The following SBF1 variants were observed in gnomAD, a reference collection of about 807,000 sequenced individuals.
SBF1 encodes the protein SET binding factor 1.
A neutral mutation model predicts 215.8 loss-of-function variants in SBF1; 65 were observed. The observed-to-expected ratio is 0.30, with a 90% CI of 0.25 to 0.37. The LOEUF is 0.37. Ranked by LOEUF, SBF1 falls within the 10% of genes least tolerant of loss-of-function variation. The probability of loss-of-function intolerance (pLI) is 1.00; values close to 1 mark genes in which losing one functional copy is unlikely to be tolerated. For synonymous variants in SBF1, 1,410 were observed against 1,122.8 expected (o/e 1.26, Z -5.11); for missense variants, 2,634 against 2,667.8 (o/e 0.99, Z 0.28).
At position 50,462,227 on chromosome 22, in the gene SBF1, T is replaced by C. The variant is rs1415421246; in HGVS notation, c.2374A>G (p.Ser792Gly). 6.2e-7 allele frequency: 1 copy of C among 1,607,860 alleles called. No homozygotes were observed. The highest frequency in any genetic ancestry group is 8.5e-7 in the Non-Finnish European group (1 of 1,179,960). ...CACCTGTTGGTGACCAGGCTGTTGC[T>C]GGCGCTCTCCAGGTCGCCCAGCCCG... ...RAGLGDLESA[S>G]NSLVTNSMAG... Residue 792 changes from serine to glycine, a missense_variant, in exon 19 of 41, where the codon AGC (serine) becomes GGC (glycine). Coordinates refer to ENST00000380817, the MANE Select transcript of SBF1 (RefSeq NM_002972.4).
intron 1 of SBF1, among the ~76,000 whole-genome samples, chr22:50,472,591 C>T (rs761691282): frequency 1.3e-5 from 2 of 152,190 alleles, no homozygotes; most frequent in Non-Finnish European, 2.9e-5. Flanking sequence ...TGCATCCTCA[C>T]GGCAGCCTGG....
intron 36 of SBF1, among the ~76,000 whole-genome samples, chr22:50,449,923 A>G (rs2148556718): frequency 6.6e-6 from 1 of 152,366 alleles, no homozygotes. Flanking sequence ...CTTGAGAGAC[A>G]GGAGCCTAAG....
In SBF1 at chr22:50,467,548, T is replaced by A. The variant is rs926281636; in HGVS notation, c.422A>T (p.His141Leu). ...KTLVLVSRLD[H>L]TEVFRNSLGL... The stretch of plus-strand genomic sequence containing the variant: ...CGGCCTCACCCTGAACACCTCCGTG[T>A]GGTCGAGTCGCGACACCAGTACCAG... Residue 141 changes from histidine (H) to leucine (L), a missense_variant, in exon 4 of 41, where the codon CAC becomes CTC. Physicochemically the swap from His to Leu is moderately conservative, Grantham distance 99 (BLOSUM62 -3). Transcript: ENST00000380817. 1 of 1,614,158 alleles carries A rather than the reference T, an allele frequency of 6.2e-7. No individual in the cohort carries two copies. Among genetic ancestry groups the A allele is most frequent in the Non-Finnish European group, 8.5e-7 (1 of 1,180,014 alleles).
Position 50,452,671 on chromosome 22 carries a change from G to A in SBF1, c.5043+1841C>T, listed in dbSNP as rs954080057. Among the ~76,000 whole-genome samples the A allele has an allele frequency of 3.2e-5, 4 of 125,986 alleles. No homozygotes were observed. The East Asian group carries it at 7.8e-4, about 25-fold the overall frequency. The allele number at this position is 125,986 out of a possible 152,430, so 82.7% of individuals were successfully genotyped here. On this transcript the variant is annotated intron_variant, in intron 36 of 40. Transcript: ENST00000380817. Reference sequence around the variant, plus strand: ...TCAGAGGCAGAGGTTGCAGTGAACCGAGATCGCACCACCGCTCTCCAGCCT... The same window carrying A: ...TCAGAGGCAGAGGTTGCAGTGAACCAAGATCGCACCACCGCTCTCCAGCCT...
Position 50,455,400 on chromosome 22 carries a change from A to C in SBF1, c.4378T>G (p.Leu1460Val), listed in dbSNP as rs1404020990. 8 of 1,612,280 alleles carry C rather than the reference A, an allele frequency of 5.0e-6. No individual in the cohort carries two copies. Among genetic ancestry groups the C allele is most frequent in the Middle Eastern group, 3.3e-4 (2 of 6,062 alleles). Residue 1460 changes from leucine to valine, a missense_variant, in exon 33 of 41, where the codon TTG becomes GTG. Transcript: ENST00000380817. ...GWDITTQVVS[L>V]VQLLSDPFYR... Reference sequence around the variant, plus strand: ...AAGGGGTCTGAGAGCAGCTGCACCAAGGATACCACCTGCCAGCACCGCCAG... The same window carrying C: ...AAGGGGTCTGAGAGCAGCTGCACCACGGATACCACCTGCCAGCACCGCCAG...
At chr22:50,471,280 C>G (rs1385747780) in intron 1 of SBF1, among the ~76,000 whole-genome samples, 1 of 152,250 alleles carries the variant, frequency 6.6e-6, no homozygotes, top group East Asian at 1.9e-4. Context: ...AGCACTCCCT[C>G]CTGCACCAAT....
chr22:50,450,588 C>T (rs1314810492), intron 36 of SBF1, among the ~76,000 whole-genome samples: 2 of 152,064 alleles, frequency 1.3e-5, no homozygotes, highest in African/African-American at 2.4e-5. Context: ...TACTGGACTT[C>T]CAAAAAGCCA....
rs773556610 is a variant in SBF1, at chr22:50,463,386, C to T, written c.1796G>A (p.Arg599His). The change falls in exon 16 of 41, where the codon CGC (arginine) becomes CAC (histidine). Residue 599 changes from arginine to histidine, a missense_variant. By Grantham distance (29) the Arg-to-His change is conservative. Transcript: ENST00000380817. ...CAGGTGCAGCTCCTGGGCGAGGCAG[C>T]GGCGGGCAGCTCGCCCCTTCAGGGC... ...LRALKGRAARRCLAQELHLHV... is the reference protein window; with the variant it reads ...LRALKGRAARHCLAQELHLHV... 75 of 1,597,032 alleles carry T rather than the reference C, an allele frequency of 4.7e-5. No individual in the cohort carries two copies. In the South Asian group the frequency reaches 5.8e-4, roughly 12 times the overall value.
At chr22:50,465,185 T>C (rs1337383829) in intron 11 of SBF1, 30 bp downstream of exon 11, 2 of 1,611,260 alleles carry the variant, frequency 1.2e-6, no homozygotes, top group African/African-American at 2.7e-5. Context: ...GCTTATCTCC[T>C]ACCCCACGCC....
In SBF1 at chr22:50,446,075, G is replaced by A. The variant is rs1242905569; in HGVS notation, c.*1067C>T. 6.5e-6 allele frequency: 1 copy of A among 153,576 alleles called. No individual in the cohort carries two copies. Among genetic ancestry groups the A allele is most frequent in the African/African-American group, 2.4e-5 (1 of 41,470 alleles). The allele number at this position is 153,576 out of a possible 1,614,324, so 9.5% of individuals were successfully genotyped here. A position where few individuals can be genotyped will look rare whatever the true frequency, so the allele number is the denominator to read the frequency against. ...CCTTCTGCTCCTGCACCCCTGGCCAGGCCTCGTCACAGGCAAGGACACAAC... is the reference window on the plus strand; with the variant it reads ...CCTTCTGCTCCTGCACCCCTGGCCAAGCCTCGTCACAGGCAAGGACACAAC... On this transcript the variant is annotated 3_prime_UTR_variant, in exon 41 of 41. Coordinates refer to ENST00000380817, the MANE Select transcript of SBF1 (RefSeq NM_002972.4).
rs368126124 is a variant in SBF1, at chr22:50,456,337, G to A, written c.4145C>T (p.Ala1382Val). 2.7e-5 allele frequency: 43 copies of A among 1,613,342 alleles called. No individual in the cohort carries two copies. Among genetic ancestry groups the A allele is most frequent in the African/African-American group, 4.0e-5 (3 of 75,044 alleles). The change falls in exon 31 of 41, where the codon GCA (alanine) becomes GTA (valine). Residue 1382 changes from alanine to valine, a missense_variant. Physicochemically the swap from Ala to Val is moderately conservative, Grantham distance 64. Transcript: ENST00000380817. ...WELVPIEVFE[A>V]RQVKASFKKL... is the part of the protein sequence containing the mutation. ...CTTGAAGCTAGCCTTCACCTGCCGT[G>A]CCTCGAATACCTCAATGGGCACCAG...
At position 50,448,306 on chromosome 22, in the gene SBF1, C is replaced by T. The variant is rs567207880; in HGVS notation, c.5290G>A (p.Gly1764Ser). 15 of 1,613,454 alleles carry T rather than the reference C, an allele frequency of 9.3e-6. No individual in the cohort carries two copies. The South Asian group carries it at 1.2e-4, about 13-fold the overall frequency. The change falls in exon 38 of 41, where the codon GGC (glycine) becomes AGC (serine). Residue 1764 changes from glycine to serine, a missense_variant. Gly to Ser is a moderately conservative substitution (Grantham distance 56). Transcript: ENST00000380817. ...SDQSSGSTTS[G>S]SRQAARRSTS... Reference sequence around the variant, plus strand: ...CTGCGGCGGGCAGCCTGACGGGAGCCGGATGTGGTTGAGCCACTACTCTGG... The same window carrying T: ...CTGCGGCGGGCAGCCTGACGGGAGCTGGATGTGGTTGAGCCACTACTCTGG...
At chr22:50,468,276 G>A in intron 2 of SBF1, 100 bp downstream of exon 2, 4 of 1,154,430 alleles carry the variant, frequency 3.5e-6, no homozygotes, top group Non-Finnish European at 3.8e-6. Flanking sequence ...CCAGCGGGGG[G>A]CCGGGCACTG....
chr22:50,470,392 T>C lies in SBF1; in HGVS notation c.56-1931A>G, dbSNP rs2067954631. 2.6e-5 allele frequency among the ~76,000 whole-genome samples: 4 copies of C among 152,006 alleles called. No individual in the cohort carries two copies. The South Asian group carries it at 8.3e-4, about 32-fold the overall frequency. ...GACCCTCTCCACCCCCCGCTAGTCTTGTGAAGCATCAACTCTCACTCAGCC... is the reference window on the plus strand; with the variant it reads ...GACCCTCTCCACCCCCCGCTAGTCTCGTGAAGCATCAACTCTCACTCAGCC... On this transcript the variant is annotated intron_variant, in intron 1 of 40. Coordinates refer to ENST00000380817, the MANE Select transcript of SBF1 (RefSeq NM_002972.4).
At position 50,463,005 on chromosome 22, in the gene SBF1, C is replaced by T. The variant is rs578035994; in HGVS notation, c.1900-67G>A. 4 of 1,448,482 alleles carry T rather than the reference C, an allele frequency of 2.8e-6. No homozygotes were observed. In the African/African-American group the frequency reaches 5.6e-5, roughly 20 times the overall value. The allele number at this position is 1,448,482 out of a possible 1,614,324, so 89.7% of individuals were successfully genotyped here. ...AGGCAGCACTCACCTCCCACCATGC[C>T]CCCACCACCCCATAACCACCACAGA... On this transcript the variant is annotated intron_variant, in intron 16 of 40. Transcript: ENST00000380817.
intron 1 of SBF1, among the ~76,000 whole-genome samples, chr22:50,471,612 A>G (rs1261878044): frequency 6.6e-6 from 1 of 151,870 alleles, no homozygotes; most frequent in Non-Finnish European, 1.5e-5. Flanking sequence ...CCCAACCCCA[A>G]CGTGCACATG....
At position 50,446,993 on chromosome 22, in the gene SBF1, C is replaced by T. The variant is rs945997014; in HGVS notation, c.*149G>A. 16 of 743,342 alleles carry T rather than the reference C, an allele frequency of 2.2e-5. No homozygotes were observed. The highest frequency in any genetic ancestry group is 5.5e-5 in the East Asian group (2 of 36,294). 46.0% of individuals were successfully genotyped at this position (743,342 alleles called of 1,614,324 possible). A position where few individuals can be genotyped will look rare whatever the true frequency, so the allele number is the denominator to read the frequency against. On this transcript the variant is annotated 3_prime_UTR_variant, in exon 41 of 41. Transcript: ENST00000380817. ...TTAGGGCCGGCCGGGCGGGGCGGGGCGGGGACGGGGGCTGTACACACAAGT... is the reference window on the plus strand; with the variant it reads ...TTAGGGCCGGCCGGGCGGGGCGGGGTGGGGACGGGGGCTGTACACACAAGT...
rs1404048144 is a variant in SBF1 at position 50,462,115 on chromosome 22, C to G, written c.2401G>C (p.Ala801Pro). Residue 801 changes from alanine (A) to proline (P), a missense_variant, in exon 20 of 41, where the codon GCT becomes CCT. Ala to Pro is a conservative substitution (Grantham distance 27, BLOSUM62 -1). Transcript: ENST00000380817. ...ASNSLVTNSM[A>P]GSVAESYDTE... is the part of the protein sequence containing the mutation. ...TCATAGCTCTCGGCCACACTGCCAG[C>G]CATGCTGGGCCAGAGAAGAAACTGT... 2 of 1,612,926 alleles carry G rather than the reference C, an allele frequency of 1.2e-6. No individual in the cohort carries two copies. Among genetic ancestry groups the G allele is most frequent in the Admixed American group, 3.3e-5 (2 of 60,014 alleles).
rs866083002 is a variant in SBF1 at position 50,464,540 on chromosome 22, G to A, written c.1630C>T (p.Pro544Ser). Residue 544 changes from proline to serine, a missense_variant, in exon 14 of 41, where the codon CCC becomes TCC. Transcript: ENST00000380817. ...CCCCTCCCTCATTACGCACTCATGG[G>A]GGGCCCTGAGGGCACGGTGGTCCTC... ...ERRTTVPSGP[P>S]MTAILERCSG... is the part of the protein sequence containing the mutation. The A allele has an allele frequency of 1.2e-6, 2 of 1,609,834 alleles. No homozygotes were observed. Among genetic ancestry groups the A allele is most frequent in the African/African-American group, 1.3e-5 (1 of 75,034 alleles).
Sources: gnomAD v4.1 joint callset for allele counts (sites outside exome capture counted in the v4.1 genomes callset) on GRCh38, gnomAD v4.1.1 for gene constraint, MANE v1.5 for transcripts, NCBI Gene and HGNC (gene_info 2026-07-23, HGNC 2026-07-21) for gene names.